The following KIAA1755 variants were observed in gnomAD, a reference collection of about 807,000 sequenced individuals.
KIAA1755 encodes KIAA1755.
A neutral mutation model predicts 91.7 loss-of-function variants in KIAA1755; 68 were observed. The observed-to-expected ratio is 0.74, with a 90% confidence interval of 0.61 to 0.91. KIAA1755 has a LOEUF of 0.91. KIAA1755 is among the 40% of genes least tolerant of loss of function. KIAA1755 has a pLI of 0.00. For synonymous variants in KIAA1755, 610 were observed against 604.6 expected (o/e 1.01, Z -0.13); for missense variants, 1,535 against 1,494.4 (o/e 1.03, Z -0.45).
At position 38,241,127 on chromosome 20, in the gene KIAA1755, C is replaced by G; in HGVS notation, c.1004G>C (p.Arg335Pro). 6.2e-7 allele frequency: 1 copy of G among 1,614,034 alleles called. No homozygotes were observed. Among genetic ancestry groups the G allele is most frequent in the Non-Finnish European group, 8.5e-7 (1 of 1,179,972 alleles). Residue 335 changes from arginine (R) to proline (P), a missense_variant, in exon 3 of 14, where the codon CGG (arginine) becomes CCG (proline). By Grantham distance (103) the Arg-to-Pro change is moderately radical. Transcript: ENST00000279024. ...AGAGCTTTCTGGCTTTGTGCAAGCC[C>G]GATTTCCCAAGGAAGGTCCTTCATT... is the stretch of plus-strand genomic sequence containing the variant. Reference protein sequence around the residue: ...EANEGPSLGNRACTKPESSEE... With the variant: ...EANEGPSLGNPACTKPESSEE...
intron 13 of KIAA1755, among the ~76,000 whole-genome samples, chr20:38,214,852 G>A (rs993062715): frequency 3.6e-4 from 55 of 152,200 alleles, no homozygotes; most frequent in Non-Finnish European, 7.3e-4. Flanking sequence ...TTTAGAACCC[G>A]ATAGCGAGCT....
chr20:38,222,887 A>C, intron 9 of KIAA1755: 1 of 503,414 alleles, frequency 2.0e-6, no homozygotes, highest in South Asian at 2.1e-5. Flanking sequence ...TCCACATGGC[A>C]GTTGAACGGA....
Position 38,210,635 on chromosome 20 carries a change from A to T in KIAA1755, c.*2407T>A, listed in dbSNP as rs891146352. On this transcript the variant is annotated 3_prime_UTR_variant, in exon 14 of 14. Transcript: ENST00000279024. Reference sequence around the variant, plus strand: ...TACAGTTCTTTCTGGGGACAGAGGGATGCACAAGGTAACCTTGGGGACTCC... The same window carrying T: ...TACAGTTCTTTCTGGGGACAGAGGGTTGCACAAGGTAACCTTGGGGACTCC... The T allele has an allele frequency of 3.9e-5, 6 of 152,194 alleles. No homozygotes were observed. The highest frequency in any genetic ancestry group is 8.8e-5 in the Non-Finnish European group (6 of 68,038). The allele number at this position is 152,194 out of a possible 1,614,324, so 9.4% of individuals were successfully genotyped here. A position where few individuals can be genotyped will look rare whatever the true frequency, so the allele number is the denominator to read the frequency against.
intron 13 of KIAA1755, among the ~76,000 whole-genome samples, chr20:38,214,845 A>G (rs1685065868): frequency 6.6e-6 from 1 of 152,242 alleles, no homozygotes; most frequent in Non-Finnish European, 1.5e-5. Context: ...CCATTAATTT[A>G]GAACCCGATA....
chr20:38,222,651 C>T (rs893649465), intron 9 of KIAA1755, 54 bp from the exon 10 acceptor site: 2 of 1,576,560 alleles, frequency 1.3e-6, no homozygotes, highest in Non-Finnish European at 1.7e-6. Context: ...CCTCTGCAAC[C>T]TTCCAAGGCT....
intron 1 of KIAA1755, among the ~76,000 whole-genome samples, chr20:38,259,475 G>A (rs549294511): frequency 4.6e-5 from 7 of 151,616 alleles, no homozygotes; most frequent in South Asian, 4.2e-4. Flanking sequence ...GCATGTGTAC[G>A]TGTGTGTGCA....
chr20:38,234,490 C>T (rs2123184667), intron 4 of KIAA1755, among the ~76,000 whole-genome samples: 1 of 152,310 alleles, frequency 6.6e-6, no homozygotes, highest in South Asian at 2.1e-4. Flanking sequence ...GCTGGATAAT[C>T]AATGTCTGTG....
intron 1 of KIAA1755, among the ~76,000 whole-genome samples, chr20:38,250,859 A>T (rs2076239402): frequency 6.6e-6 from 1 of 152,066 alleles, no homozygotes; most frequent in Non-Finnish European, 1.5e-5. Context: ...TACCAGGCAC[A>T]TGTGGGGGCA....
chr20:38,251,475 C>A (rs1216218131), intron 1 of KIAA1755, among the ~76,000 whole-genome samples: 1 of 151,876 alleles, frequency 6.6e-6, no homozygotes, highest in African/African-American at 2.4e-5. Flanking sequence ...ACTACCTGCT[C>A]ACAGTGGTTA....
At chr20:38,223,394 C>T (rs376288623) in intron 9 of KIAA1755, 144 bp downstream of exon 9, 2 of 577,914 alleles carry the variant, frequency 3.5e-6, no homozygotes, top group South Asian at 5.1e-5. Context: ...AAAGTGGGTG[C>T]CCCTCAAATA....
In KIAA1755 at chr20:38,213,642, G is replaced by T. The variant is rs753411245; in HGVS notation, c.3003C>A (p.Tyr1001Ter). The T allele has an allele frequency of 2.2e-5, 36 of 1,610,152 alleles. No homozygotes were observed. The East Asian group carries it at 6.7e-4, about 30-fold the overall frequency. ...GGAACTCAGATGCCAGTCGCTGCAG[G>T]TAGCGGTGGAGGCGGCGCTGGTCCC... ...SPGDQRRLHR[Y>*]LQRLASEFPA... Residue 1001 changes from tyrosine (Y) to a stop codon, truncating the protein, a stop_gained, in exon 14 of 14, where the codon TAC (tyrosine) becomes TAA (stop). Coordinates refer to ENST00000279024, the MANE Select transcript of KIAA1755 (RefSeq NM_001029864.2). LOFTEE classifies it low-confidence loss of function (END_TRUNC).
chr20:38,242,065 C>T, intron 2 of KIAA1755, 136 bp from the exon 3 acceptor site: 1 of 866,024 alleles, frequency 1.2e-6, no homozygotes, highest in South Asian at 1.7e-5. Context: ...GAGGCACTCA[C>T]TGTCAAGGTT....
intron 4 of KIAA1755, among the ~76,000 whole-genome samples, chr20:38,231,602 C>T (rs1161883499): frequency 6.6e-6 from 1 of 152,178 alleles, no homozygotes; most frequent in African/African-American, 2.4e-5. Flanking sequence ...GCTCTGGGGT[C>T]ACACAGAAAG....
At chr20:38,255,169 C>A (rs1158952425) in intron 1 of KIAA1755, among the ~76,000 whole-genome samples, 29 of 151,012 alleles carry the variant, frequency 1.9e-4, no homozygotes, top group African/African-American at 7.0e-4. Context: ...AGAGTGAGAT[C>A]TGTCTCAAAA....
chr20:38,219,180 G>A (rs2075608966), intron 11 of KIAA1755, among the ~76,000 whole-genome samples: 1 of 152,192 alleles, frequency 6.6e-6, no homozygotes, highest in African/African-American at 2.4e-5. Context: ...CAGGCTGACA[G>A]GAATGTGTTG....
At chr20:38,220,713 C>T (rs1209165888) in intron 10 of KIAA1755, among the ~76,000 whole-genome samples, 5 of 152,154 alleles carry the variant, frequency 3.3e-5, no homozygotes, top group Admixed American at 2.0e-4. Flanking sequence ...CAGTGCCCAG[C>T]GCACGATGTT....
At chr20:38,224,680 A>G (rs1381355462) in intron 8 of KIAA1755, among the ~76,000 whole-genome samples, 2 of 152,176 alleles carry the variant, frequency 1.3e-5, no homozygotes, top group Admixed American at 1.3e-4. Context: ...AGAATTGCTC[A>G]ACCCCAAATG....
intron 12 of KIAA1755, chr20:38,217,814 T>A (rs1197736283): frequency 2.2e-6 from 1 of 455,898 alleles, no homozygotes; most frequent in Non-Finnish European, 3.9e-6. Flanking sequence ...TCCCTTACTG[T>A]GCGCTTCCCT....
chr20:38,231,813 G>A (rs1398880073), intron 4 of KIAA1755, among the ~76,000 whole-genome samples: 6 of 152,342 alleles, frequency 3.9e-5, no homozygotes, highest in Middle Eastern at 3.4e-3. Context: ...TTGCTCAATC[G>A]TTGGTCGTTA....
Sources: allele counts gnomAD v4.1 joint callset (sites outside exome capture counted in the v4.1 genomes callset), GRCh38; gene constraint gnomAD v4.1.1; transcripts MANE v1.5; gene names NCBI Gene and HGNC (gene_info 2026-07-23, HGNC 2026-07-21).